KDM2B: variants seen among roughly 807,000 people sequenced by gnomAD.
KDM2B encodes the protein lysine-specific demethylase 2B.
A neutral mutation model predicts 150.0 loss-of-function variants in KDM2B; 26 were observed. The ratio of observed to expected loss-of-function variants is 0.17; its 90% CI spans 0.13 to 0.24. The LOEUF (loss-of-function observed/expected upper bound fraction) is 0.24, where lower values mean the gene tolerates loss of function less well. KDM2B is among the 10% of genes least tolerant of loss of function. The pLI is 1.00. For missense variants in KDM2B, 1,265 were observed against 1,816.9 expected (o/e 0.70, Z 5.52); for synonymous variants, 734 against 729.5 (o/e 1.01, Z -0.10).
intron 12 of KDM2B, among the ~76,000 whole-genome samples, chr12:121,491,159 C>T (rs1883303797): frequency 6.6e-6 from 1 of 152,174 alleles, no homozygotes; most frequent in Admixed American, 6.5e-5. Flanking sequence ...ATCACTGGTT[C>T]CTCACTGTGC....
chr12:121,541,459 G>A (rs2141816420), intron 6 of KDM2B, among the ~76,000 whole-genome samples: 1 of 147,294 alleles, frequency 6.8e-6, no homozygotes, highest in Non-Finnish European at 1.5e-5. Flanking sequence ...GGGAGAGAGG[G>A]AGGGAAATTT....
chr12:121,440,440 G>C, intron 21 of KDM2B: 2 of 400,760 alleles, frequency 5.0e-6, no homozygotes, highest in Non-Finnish European at 9.2e-6. Context: ...GGAAGCCTTT[G>C]CACAACCACA....
intron 6 of KDM2B, among the ~76,000 whole-genome samples, chr12:121,544,770 G>A (rs1888888098): frequency 6.6e-6 from 1 of 151,828 alleles, no homozygotes; most frequent in South Asian, 2.1e-4. Context: ...AAAATTAGCT[G>A]GGTGTGGTGG....
intron 4 of KDM2B, among the ~76,000 whole-genome samples, chr12:121,568,173 A>G (rs1890844209): frequency 6.6e-6 from 1 of 152,194 alleles, no homozygotes; most frequent in South Asian, 2.1e-4. Flanking sequence ...GAAAATATCC[A>G]ACCACGAAAC....
chr12:121,573,522 G>C (rs186316418), intron 4 of KDM2B, among the ~76,000 whole-genome samples: 2 of 151,086 alleles, frequency 1.3e-5, no homozygotes, highest in African/African-American at 2.4e-5. Context: ...CGATCTGCCT[G>C]TCTCAGCCTT....
At chr12:121,458,216 A>AAATAAAAAGACTAGCTTG (rs1878558198) in intron 12 of KDM2B, among the ~76,000 whole-genome samples, 1 of 151,510 alleles carries the variant, frequency 6.6e-6, no homozygotes, top group Admixed American at 6.6e-5. Context: ...GATTCCAAAA[A>AAATAAAAAGACTAGCTTG]AATAAAAAGA....
At chr12:121,539,260 G>C (rs541470318) in intron 6 of KDM2B, among the ~76,000 whole-genome samples, 2 of 136,638 alleles carry the variant, frequency 1.5e-5, no homozygotes, top group Non-Finnish European at 1.5e-5. Flanking sequence ...TTCACCTCAC[G>C]AGGTCAAGGG....
In KDM2B at chr12:121,580,887, A is replaced by G. The variant is rs1555317912; in HGVS notation, c.25T>C (p.Ser9Pro). ...TTTCGTGGGGGGTGATCCTCTGCAGATCCCCCCATTTGCGGACCCGCCATG... is the reference window on the plus strand; with the variant it reads ...TTTCGTGGGGGGTGATCCTCTGCAGGTCCCCCCATTTGCGGACCCGCCATG... MAGPQMGG[S>P]AEDHPPRKRH... Residue 9 changes from serine (S) to proline (P), a missense_variant, in exon 1 of 23, where the codon TCT becomes CCT. Physicochemically the swap from Ser to Pro is moderately conservative, Grantham distance 74. Around this residue, in one of 11 missense-constraint regions of KDM2B, gnomAD observed 53 missense variants for 56.0 expected, o/e 0.95. Coordinates refer to ENST00000377071, the MANE Select transcript of KDM2B (RefSeq NM_032590.5). 1 of 1,613,636 alleles carries G rather than the reference A, an allele frequency of 6.2e-7. No individual in the cohort carries two copies.
At chr12:121,500,448 C>T (rs782135799) in intron 11 of KDM2B, among the ~76,000 whole-genome samples, 8 of 152,234 alleles carry the variant, frequency 5.3e-5, no homozygotes, top group Non-Finnish European at 1.2e-4. Context: ...TGGGCCTGGG[C>T]GGCCCTTTAT....
At chr12:121,565,360 A>G (rs1431602862) in intron 4 of KDM2B, among the ~76,000 whole-genome samples, 1 of 151,034 alleles carries the variant, frequency 6.6e-6, no homozygotes, top group Non-Finnish European at 1.5e-5. Context: ...CTTGTTGCCC[A>G]GGCTGGAATG....
chr12:121,467,239 C>T lies in KDM2B; in HGVS notation c.1735-13895G>A. The T allele has an allele frequency of 9.8e-7, 1 of 1,016,572 alleles. No individual in the cohort carries two copies. The highest frequency in any genetic ancestry group is 1.2e-6 in the Non-Finnish European group (1 of 846,508). The allele number at this position is 1,016,572 out of a possible 1,614,324, so 63.0% of individuals were successfully genotyped here. On this transcript the variant is annotated intron_variant, in intron 12 of 22. Coordinates refer to ENST00000377071, the MANE Select transcript of KDM2B (RefSeq NM_032590.5). This position sits in a 1 kb window ranked among gnomAD's most constrained non-coding sequence, Gnocchi z 5.1. Reference sequence around the variant, plus strand: ...CTCATGGTGGGCCCAGGCTCGCGCGCGCTGACATGGCTGGAGCGGCGCCGC... The same window carrying T: ...CTCATGGTGGGCCCAGGCTCGCGCGTGCTGACATGGCTGGAGCGGCGCCGC...
chr12:121,464,732 G>A (rs1422195870), intron 12 of KDM2B, among the ~76,000 whole-genome samples: 14 of 152,208 alleles, frequency 9.2e-5, no homozygotes, highest in Admixed American at 6.5e-4. Context: ...CCAGGACTTG[G>A]CAACCTCTCC....
intron 8 of KDM2B, among the ~76,000 whole-genome samples, chr12:121,523,332 A>T (rs1294149221): frequency 2.6e-5 from 4 of 152,230 alleles, no homozygotes; most frequent in African/African-American, 9.6e-5. Flanking sequence ...GGAGCAACTC[A>T]CAGTGAAGGA....
chr12:121,425,452 GTC>G, downstream of KDM2B, among the ~76,000 whole-genome samples: 1 of 152,270 alleles, frequency 6.6e-6, no homozygotes, highest in South Asian at 2.1e-4. Flanking sequence ...ACTTCTCAGA[GTC>G]TGTTATCTCC....
intron 12 of KDM2B, among the ~76,000 whole-genome samples, chr12:121,483,311 A>G: frequency 6.6e-6 from 1 of 152,068 alleles, no homozygotes; most frequent in South Asian, 2.1e-4. Flanking sequence ...GACAAGCTCC[A>G]GTCTCAAGAT....
At chr12:121,439,149 A>G (rs1299673875) in intron 22 of KDM2B, among the ~76,000 whole-genome samples, 2 of 152,142 alleles carry the variant, frequency 1.3e-5, no homozygotes, top group Non-Finnish European at 2.9e-5. Flanking sequence ...CAAGGGGTGC[A>G]TGTAAGCAAC....
At chr12:121,546,454 C>T (rs1296262868) in intron 6 of KDM2B, among the ~76,000 whole-genome samples, 1 of 141,504 alleles carries the variant, frequency 7.1e-6, no homozygotes, top group Non-Finnish European at 1.5e-5. Flanking sequence ...GCGATCTCGG[C>T]TCACTGCAAG....
the KDM2B span, among the ~76,000 whole-genome samples, chr12:121,414,956 C>T: frequency 6.6e-6 from 1 of 152,178 alleles, no homozygotes; most frequent in East Asian, 1.9e-4. Context: ...ATTAGCTGGG[C>T]ATGGTGGCGG....
Position 121,440,837 on chromosome 12 carries a change from G to A in KDM2B, c.3589C>T (p.Pro1197Ser), listed in dbSNP as rs1432951265. The A allele has an allele frequency of 1.2e-6, 2 of 1,613,182 alleles. No individual in the cohort carries two copies. Among genetic ancestry groups the A allele is most frequent in the Admixed American group, 1.7e-5 (1 of 59,960 alleles). Residue 1197 changes from proline (P) to serine (S), a missense_variant, in exon 21 of 23, where the codon CCG (proline) becomes TCG (serine). Coordinates refer to ENST00000377071, the MANE Select transcript of KDM2B (RefSeq NM_032590.5). ...KDAQMRDLLS[P>S]PTDNRPGQMD... ...TCACCTGGCCTGTTGTCTGTGGGCG[G>A]GGACAGGAGATCCCGCATCTGGGCA... is the stretch of plus-strand genomic sequence containing the variant.
Sources: allele counts gnomAD v4.1 joint callset (sites outside exome capture counted in the v4.1 genomes callset), GRCh38; gene constraint gnomAD v4.1.1; regional missense constraint gnomAD v4.1.1; non-coding constraint Gnocchi (gnomAD v3.1); transcripts MANE v1.5; gene names NCBI Gene and HGNC (gene_info 2026-07-23, HGNC 2026-07-21).